Variants in CFAP251 observed in about 807,000 individuals in gnomAD.
CFAP251 encodes cilia- and flagella-associated protein 251.
Under a neutral mutation model 126.7 loss-of-function variants are expected in CFAP251, and 93 were observed. That is an observed-to-expected ratio of 0.73 (90% CI 0.62 to 0.87). The LOEUF is 0.87. CFAP251 is among the 40% of genes least tolerant of loss of function. CFAP251 has a pLI of 0.00. For missense variants in CFAP251, 1,287 were observed against 1,389.2 expected (o/e 0.93, Z 1.17); for synonymous variants, 503 against 506.9 (o/e 0.99, Z 0.10).
At chr12:121,975,946 G>A (rs1022378782) in intron 19 of CFAP251, among the ~76,000 whole-genome samples, 5 of 152,226 alleles carry the variant, frequency 3.3e-5, no homozygotes, top group East Asian at 1.9e-4. Context: ...TGAATTGGAC[G>A]GACTGGGGCT....
chr12:121,960,985 A>G (rs931343785), intron 14 of CFAP251, among the ~76,000 whole-genome samples: 3 of 152,186 alleles, frequency 2.0e-5, no homozygotes, highest in South Asian at 2.1e-4. Context: ...GGGCAGCAAC[A>G]AGTTAGAAGG....
chr12:121,924,081 AC>A, intron 3 of CFAP251, 91 bp downstream of exon 3: 1 of 1,388,606 alleles, frequency 7.2e-7, no homozygotes, highest in Non-Finnish European at 9.7e-7. Context: ...AAAGAATACC[AC>A]CAGAAGGATA....
At chr12:121,998,889 C>CAAAAAAAAAAAA (rs60289920) in intron 19 of CFAP251, 3 of 30,608 alleles carry the variant, frequency 9.8e-5, no homozygotes, top group African/African-American at 3.0e-4. Context: ...GACCCTGTAT[C>CAAAAAAAAAAAA]AAAAAAAAAA....
chr12:121,958,582 T>C, intron 12 of CFAP251, 60 bp downstream of exon 12: 1 of 1,600,876 alleles, frequency 6.2e-7, no homozygotes, highest in Non-Finnish European at 8.5e-7. Context: ...AAGGGATGGA[T>C]GCACCTGGGC....
At chr12:121,945,030 G>A (rs11043258) in intron 7 of CFAP251, among the ~76,000 whole-genome samples, 20 of 152,162 alleles carry the variant, frequency 1.3e-4, no homozygotes, top group African/African-American at 3.4e-4. Flanking sequence ...CCATCCACCC[G>A]CCTCAGCCTC....
chr12:121,922,812 C>T lies in CFAP251; in HGVS notation c.379-810C>T, dbSNP rs377431519. On this transcript the variant is annotated intron_variant, in intron 2 of 21. Coordinates refer to ENST00000288912, the MANE Select transcript of CFAP251 (RefSeq NM_144668.6). ...TTCTTTTCTTTTTTCTTTTTTGAGA[C>T]GGAGTCTCGCTCTGTCGCCCAGGCT... Among the ~76,000 whole-genome samples the T allele has an allele frequency of 4.5e-4, 68 of 152,176 alleles. 1 individual carries two copies. In the South Asian group the frequency reaches 7.5e-3, roughly 17 times the overall value.
chr12:121,986,158 T>A (rs1323862673), intron 19 of CFAP251, among the ~76,000 whole-genome samples: 1 of 151,682 alleles, frequency 6.6e-6, no homozygotes, highest in East Asian at 1.9e-4. Context: ...GCCCAGCTAA[T>A]TTTTTGTATC....
At chr12:121,962,708 A>AAAAAGG (rs569516559) in intron 15 of CFAP251, among the ~76,000 whole-genome samples, 57,385 of 147,614 alleles carry the variant, frequency 0.39, 12,770 homozygotes, top group Non-Finnish European at 0.52. Flanking sequence ...AGAAAAAAAA[A>AAAAAGG]AAAAGGAAAA....
rs202119029 is a variant in CFAP251 at position 121,934,311 on chromosome 12, A to G, written c.953A>G (p.Asp318Gly). The change falls in exon 5 of 22, where the codon GAC becomes GGC. Residue 318 changes from aspartate (D) to glycine (G), a missense_variant. By Grantham distance (94) the Asp-to-Gly change is moderately conservative (BLOSUM62 -1). Coordinates refer to ENST00000288912, the MANE Select transcript of CFAP251 (RefSeq NM_144668.6). ...SEDRRWIATA[D>G]KGPDCLVIIW... ...GACAGGCGGTGGATCGCCACAGCAGACAAAGGGCCAGACTGCCTGGTGATT... is the reference window on the plus strand; with the variant it reads ...GACAGGCGGTGGATCGCCACAGCAGGCAAAGGGCCAGACTGCCTGGTGATT... The G allele has an allele frequency of 2.5e-6, 4 of 1,613,990 alleles. No individual in the cohort carries two copies. Among genetic ancestry groups the G allele is most frequent in the Non-Finnish European group, 3.4e-6 (4 of 1,180,008 alleles).
intron 5 of CFAP251, among the ~76,000 whole-genome samples, chr12:121,934,959 A>G (rs1164952470): frequency 1.3e-5 from 2 of 152,180 alleles, no homozygotes; most frequent in South Asian, 4.1e-4. Flanking sequence ...GGCGCATGCA[A>G]CCACACCTGG....
In CFAP251 at chr12:121,960,759, G is replaced by A; in HGVS notation, c.2307+1G>A. On this transcript the variant is annotated splice_donor_variant, in intron 14 of 21. Transcript: ENST00000288912. LOFTEE classifies it high-confidence loss of function. ...GAGCCTTGGGACAGACAGGCTCTTG[G>A]TGAGCTGTTTAGTTTTCGTTGACCT... The A allele has an allele frequency of 6.2e-7, 1 of 1,612,874 alleles. No homozygotes were observed. The highest frequency in any genetic ancestry group is 2.2e-5 in the East Asian group (1 of 44,870).
chr12:121,928,990 C>A (rs1351298347), intron 3 of CFAP251, among the ~76,000 whole-genome samples: 1 of 151,942 alleles, frequency 6.6e-6, no homozygotes, highest in East Asian at 1.9e-4. Context: ...AGCCACTGCA[C>A]CCTGCCTGGA....
At chr12:121,961,946 C>T in intron 14 of CFAP251, 32 bp from the exon 15 acceptor site, 1 of 1,602,980 alleles carries the variant, frequency 6.2e-7, no homozygotes, top group Non-Finnish European at 8.5e-7. Context: ...TTGGCTTGGT[C>T]CTCATGTGTG....
rs370979605 is a variant in CFAP251 at position 121,949,076 on chromosome 12, T to C, written c.1269+15T>C. On this transcript the variant is annotated intron_variant, in intron 8 of 21. Transcript: ENST00000288912. The stretch of plus-strand genomic sequence containing the variant: ...ATTATGCATGGGTAAGCAGAAATAT[T>C]TTGATTTGTTTTAAATGTGGGTAGA... The C allele has an allele frequency of 6.1e-5, 93 of 1,526,020 alleles. No homozygotes were observed. Among genetic ancestry groups the C allele is most frequent in the Non-Finnish European group, 7.7e-5 (86 of 1,120,636 alleles). 94.5% of individuals were successfully genotyped at this position (1,526,020 alleles called of 1,614,324 possible). A position where few individuals can be genotyped will look rare whatever the true frequency, so the allele number is the denominator to read the frequency against.
At chr12:121,928,647 T>TA (rs1880527772) in intron 3 of CFAP251, among the ~76,000 whole-genome samples, 1 of 39,508 alleles carries the variant, frequency 2.5e-5, no homozygotes, top group African/African-American at 4.9e-5. Flanking sequence ...CGTATATATA[T>TA]ATATATATAC....
At chr12:121,970,259 C>A (rs545577026) in intron 17 of CFAP251, among the ~76,000 whole-genome samples, 1 of 152,234 alleles carries the variant, frequency 6.6e-6, no homozygotes, top group East Asian at 1.9e-4. Context: ...TAGCATGCAC[C>A]CTTTCTCTTC....
intron 9 of CFAP251, chr12:121,952,707 C>T (rs1162375665): frequency 6.6e-6 from 1 of 152,138 alleles, no homozygotes; most frequent in African/African-American, 2.4e-5. Flanking sequence ...TTTCTGCATA[C>T]TTGCTTCTCT....
intron 19 of CFAP251, chr12:121,992,070 G>C (rs866016555): frequency 2.2e-4 from 67 of 310,894 alleles, no homozygotes; most frequent in African/African-American, 1.5e-3. Context: ...ATGGAATAAA[G>C]CCCCGCCTTA....
intron 15 of CFAP251, among the ~76,000 whole-genome samples, chr12:121,964,424 G>A (rs1882052016): frequency 6.6e-6 from 1 of 152,194 alleles, no homozygotes; most frequent in South Asian, 2.1e-4. Context: ...GCTGGAGAAT[G>A]AGGGCTGGCA....
Sources: allele counts gnomAD v4.1 joint callset (sites outside exome capture counted in the v4.1 genomes callset), GRCh38; gene constraint gnomAD v4.1.1; transcripts MANE v1.5; gene names NCBI Gene and HGNC (gene_info 2026-07-23, HGNC 2026-07-21).